Variants in SPEF2 observed in about 807,000 individuals in gnomAD.
The protein encoded by SPEF2 is sperm flagellar and cilia associated 2, also known as sperm flagella and cilia-associated protein 2.
A neutral mutation model predicts 224.6 loss-of-function variants in SPEF2; 187 were observed. The ratio of observed to expected loss-of-function variants is 0.83; its 90% CI spans 0.74 to 0.94. The LOEUF (loss-of-function observed/expected upper bound fraction) is 0.94, where lower values mean the gene tolerates loss of function less well. Ranked by LOEUF, SPEF2 falls within the 40% of genes least tolerant of loss-of-function variation. The pLI is 0.00. For synonymous variants in SPEF2, 715 were observed against 707.3 expected (o/e 1.01, Z -0.17); for missense variants, 2,170 against 2,135.6 (o/e 1.02, Z -0.32).
intron 23 of SPEF2, among the ~76,000 whole-genome samples, chr5:35,745,552 C>T (rs543088687): frequency 1.2e-4 from 3 of 26,086 alleles, no homozygotes; most frequent in Non-Finnish European, 3.5e-4. Context: ...CAGCTTTCCC[C>T]CACTTCCCTG....
At chr5:35,669,214 A>G (rs1031318354) in intron 9 of SPEF2, among the ~76,000 whole-genome samples, 1 of 152,128 alleles carries the variant, frequency 6.6e-6, no homozygotes, top group Non-Finnish European at 1.5e-5. Flanking sequence ...AACGTCTTCA[A>G]GGTCCTTTCA....
intron 4 of SPEF2, 164 bp from the exon 5 acceptor site, chr5:35,646,503 C>A: frequency 1.9e-6 from 1 of 534,492 alleles, no homozygotes; most frequent in Non-Finnish European, 3.2e-6. Context: ...GTCATATTAA[C>A]ACCTCCTTCT....
intron 2 of SPEF2, among the ~76,000 whole-genome samples, chr5:35,636,891 G>T (rs983649713): frequency 4.0e-5 from 6 of 151,180 alleles, no homozygotes; most frequent in African/African-American, 1.5e-4. Context: ...CAGGAGAATC[G>T]CTTGAACCTG....
At chr5:35,671,703 T>C (rs1416546186) in intron 10 of SPEF2, 1 of 191,052 alleles carries the variant, frequency 5.2e-6, no homozygotes, top group African/African-American at 2.4e-5. Flanking sequence ...TCTCTTTAGC[T>C]ATTTTCCTTG....
At chr5:35,677,232 G>A (rs952509808) in intron 10 of SPEF2, among the ~76,000 whole-genome samples, 5 of 152,140 alleles carry the variant, frequency 3.3e-5, no homozygotes, top group African/African-American at 1.2e-4. Context: ...CAGTAGACAG[G>A]TGAATTCAGA....
At position 35,728,058 on chromosome 5, in the gene SPEF2, G is replaced by C. The variant is rs533684112; in HGVS notation, c.3063+235G>C. ...GTGCTAAAATGGGGGGAACAAATGG[G>C]TTCTGTGAGGAACAATTTTCTTCTC... On this transcript the variant is annotated intron_variant, in intron 21 of 36. Transcript: ENST00000356031. Among the ~76,000 whole-genome samples, 10 of 152,118 alleles carry C rather than the reference G, an allele frequency of 6.6e-5. No individual in the cohort carries two copies. In the South Asian group the frequency reaches 2.1e-3, roughly 32 times the overall value.
At chr5:35,798,894 G>T (rs1561383132) in intron 33 of SPEF2, among the ~76,000 whole-genome samples, 1 of 152,108 alleles carries the variant, frequency 6.6e-6, no homozygotes, top group African/African-American at 2.4e-5. Context: ...ACCACGCCTG[G>T]CCTCTCTCAT....
At chr5:35,752,644 T>C (rs1263969609) in intron 23 of SPEF2, among the ~76,000 whole-genome samples, 1 of 40 alleles carries the variant, frequency 0.025, no homozygotes, top group Non-Finnish European at 0.1. Context: ...TATTTGACTG[T>C]ATATGTTTCA....
At chr5:35,712,733 C>A (rs1197378752) in intron 19 of SPEF2, 79 bp from the exon 20 acceptor site, 2 of 1,379,776 alleles carry the variant, frequency 1.4e-6, no homozygotes, top group East Asian at 2.3e-5. Flanking sequence ...TGGGAAATAG[C>A]ATTAGCTTGC....
intron 21 of SPEF2, among the ~76,000 whole-genome samples, chr5:35,730,232 G>A (rs1745415966): frequency 1.3e-5 from 2 of 152,188 alleles, no homozygotes; most frequent in African/African-American, 4.8e-5. Flanking sequence ...GGAGATCCTG[G>A]GATCTCTTCC....
intron 10 of SPEF2, among the ~76,000 whole-genome samples, chr5:35,682,968 T>A (rs1263854714): frequency 6.6e-6 from 1 of 152,214 alleles, no homozygotes; most frequent in Non-Finnish European, 1.5e-5. Context: ...AGCTTGCCCT[T>A]GAAGTGTGCA....
chr5:35,714,655 A>G (rs568649827), intron 20 of SPEF2, among the ~76,000 whole-genome samples: 2 of 149,522 alleles, frequency 1.3e-5, no homozygotes, highest in Non-Finnish European at 3.0e-5. Flanking sequence ...TTTTTAGGTT[A>G]GGTTGGTTTG....
intron 25 of SPEF2, among the ~76,000 whole-genome samples, chr5:35,762,912 A>G (rs1444489766): frequency 1.3e-5 from 2 of 152,292 alleles, no homozygotes; most frequent in South Asian, 2.1e-4. Context: ...AAACAAAGAG[A>G]AAACCTTTGT....
At position 35,795,889 on chromosome 5, in the gene SPEF2, C is replaced by G. The variant is rs549187725; in HGVS notation, c.4830+94C>G. ...TTATGTAACTTGGCTGTGGACTGCACCCCTGCCCCTCAATTCCTCTGCTGC... is the reference window on the plus strand; with the variant it reads ...TTATGTAACTTGGCTGTGGACTGCAGCCCTGCCCCTCAATTCCTCTGCTGC... On this transcript the variant is annotated intron_variant, in intron 33 of 36. Transcript: ENST00000356031. The G allele has an allele frequency of 3.8e-6, 4 of 1,040,894 alleles. No individual in the cohort carries two copies. In the African/African-American group the frequency reaches 6.4e-5, roughly 17 times the overall value. The allele number at this position is 1,040,894 out of a possible 1,614,324, so 64.5% of individuals were successfully genotyped here.
At position 35,633,117 on chromosome 5, in the gene SPEF2, C is replaced by T. The variant is rs116660287; in HGVS notation, c.161+4555C>T. Reference sequence around the variant, plus strand: ...AGAGAATGTATATTCTATTATTGTTCATTAAAGTGTGTATAGATATCTGTG... The same window carrying T: ...AGAGAATGTATATTCTATTATTGTTTATTAAAGTGTGTATAGATATCTGTG... On this transcript the variant is annotated intron_variant, in intron 2 of 36. Transcript: ENST00000356031. The T allele has an allele frequency of 7.1e-3, 1,077 of 152,168 alleles. 14 individuals carry two copies. Among genetic ancestry groups the T allele is most frequent in the African/African-American group, 0.025 (1,042 of 41,544 alleles). 9.4% of individuals were successfully genotyped at this position (152,168 alleles called of 1,614,324 possible).
intron 1 of SPEF2, among the ~76,000 whole-genome samples, chr5:35,626,196 A>G (rs1232300885): frequency 6.6e-6 from 1 of 152,106 alleles, no homozygotes; most frequent in Non-Finnish European, 1.5e-5. Flanking sequence ...CTCTAAGTAT[A>G]TTTTCTCAAG....
chr5:35,670,069 T>C lies in SPEF2; in HGVS notation c.1366T>C (p.Tyr456His), dbSNP rs1332817190. 3.7e-6 allele frequency: 6 copies of C among 1,603,684 alleles called. No individual in the cohort carries two copies. Among genetic ancestry groups the C allele is most frequent in the Non-Finnish European group, 5.1e-6 (6 of 1,176,142 alleles). ...TTTTTTGTGCGATAGTCTGATTCCG[T>C]ATAAGTTGATGCATGATTGGAAGGA... ...YRMLTNNLIP[Y>H]KLMHDWKELF... is the part of the protein sequence containing the mutation. Residue 456 changes from tyrosine to histidine, a missense_variant, in exon 10 of 37, where the codon TAT (tyrosine) becomes CAT (histidine). Physicochemically the swap from Tyr to His is moderately conservative, Grantham distance 83. Coordinates refer to ENST00000356031, the MANE Select transcript of SPEF2 (RefSeq NM_024867.4).
chr5:35,772,836 A>G (rs746902795), intron 27 of SPEF2, among the ~76,000 whole-genome samples: 1 of 152,164 alleles, frequency 6.6e-6, no homozygotes, highest in Non-Finnish European at 1.5e-5. Flanking sequence ...ACTTACATAT[A>G]CATCTATTAT....
chr5:35,721,010 C>A (rs1372020146), intron 20 of SPEF2, among the ~76,000 whole-genome samples: 2 of 152,062 alleles, frequency 1.3e-5, no homozygotes, highest in Non-Finnish European at 2.9e-5. Flanking sequence ...GAAGCAAAAA[C>A]CTTTTATATC....
Sources: allele counts gnomAD v4.1 joint callset (sites outside exome capture counted in the v4.1 genomes callset), GRCh38; gene constraint gnomAD v4.1.1; transcripts MANE v1.5; gene names NCBI Gene and HGNC (gene_info 2026-07-23, HGNC 2026-07-21).